RAB11FIP4: variants seen among roughly 807,000 people sequenced by gnomAD.
RAB11FIP4 encodes rab11 family-interacting protein 4.
A neutral mutation model predicts 74.3 loss-of-function variants in RAB11FIP4; 23 were observed. The observed-to-expected ratio is 0.31, with a 90% CI of 0.22 to 0.44. The LOEUF is 0.44. Among genes scored for constraint, RAB11FIP4 ranks in the 20% least tolerant of loss-of-function variants. The pLI is 1.00. For synonymous variants in RAB11FIP4, 360 were observed against 359.9 expected, an observed-to-expected ratio of 1.00 and a Z score of 0.00; for missense variants, 630 against 863.9, an observed-to-expected ratio of 0.73 and a Z score of 3.39.
chr17:31,414,161 G>A (rs1343127535), intron 1 of RAB11FIP4, among the ~76,000 whole-genome samples: 1 of 152,232 alleles, frequency 6.6e-6, no homozygotes, highest in African/African-American at 2.4e-5. Context: ...AAATGGAGGA[G>A]GTGGGATTCC....
chr17:31,488,554 G>T (rs1339769064), intron 3 of RAB11FIP4: 1 of 202,910 alleles, frequency 4.9e-6, no homozygotes, highest in Non-Finnish European at 9.6e-6. Context: ...ACCTCCGGCC[G>T]CAGCGCCCCT....
At chr17:31,407,747 G>T (rs1220407206) in intron 1 of RAB11FIP4, among the ~76,000 whole-genome samples, 1 of 152,140 alleles carries the variant, frequency 6.6e-6, no homozygotes, top group Non-Finnish European at 1.5e-5. Flanking sequence ...ATGTTCATTT[G>T]TTCTATTTTG....
In RAB11FIP4 at chr17:31,494,307, T is replaced by C. The variant is rs1460045896; in HGVS notation, c.337-23344T>C. On this transcript the variant is annotated intron_variant, in intron 3 of 14. Transcript: ENST00000621161. Reference sequence around the variant, plus strand: ...ACCTGTAAAACGAGGATGAGGCTAGTACCTCCCTCACAGGGTTCGTGGTAA... The same window carrying C: ...ACCTGTAAAACGAGGATGAGGCTAGCACCTCCCTCACAGGGTTCGTGGTAA... 2.0e-5 allele frequency among the ~76,000 whole-genome samples: 3 copies of C among 152,010 alleles called. No individual in the cohort carries two copies. In the East Asian group the frequency reaches 5.8e-4, roughly 29 times the overall value.
At chr17:31,514,856 G>A (rs1467633107) in intron 3 of RAB11FIP4, among the ~76,000 whole-genome samples, 1 of 152,252 alleles carries the variant, frequency 6.6e-6, no homozygotes, top group Non-Finnish European at 1.5e-5. Context: ...TAGGCGGCAT[G>A]CTAAGGAGTC....
intron 3 of RAB11FIP4, among the ~76,000 whole-genome samples, chr17:31,515,821 G>C (rs181968058): frequency 6.6e-6 from 1 of 152,320 alleles, no homozygotes; most frequent in East Asian, 1.9e-4. Context: ...GATTTACAGA[G>C]AGCTGCCCCT....
At chr17:31,436,757 T>C (rs1294274926) in intron 3 of RAB11FIP4, among the ~76,000 whole-genome samples, 1 of 34,988 alleles carries the variant, frequency 2.9e-5, no homozygotes, top group African/African-American at 1.2e-4. Context: ...TTTTTTGTTT[T>C]TTTTTTGTTT....
chr17:31,475,797 TG>T (rs1416572697), intron 3 of RAB11FIP4, among the ~76,000 whole-genome samples: 1,052 of 77,772 alleles, frequency 0.014, 18 homozygotes, highest in African/African-American at 0.055. Flanking sequence ...CATTTTTGTG[TG>T]GTTTTTTTTT....
chr17:31,418,158 C>T (rs182166439), intron 1 of RAB11FIP4, among the ~76,000 whole-genome samples: 56 of 152,190 alleles, frequency 3.7e-4, no homozygotes, highest in South Asian at 2.3e-3. Flanking sequence ...GAGGACAAGG[C>T]GGGCGGATCA....
At chr17:31,509,677 G>A (rs867285116) in intron 3 of RAB11FIP4, among the ~76,000 whole-genome samples, 5 of 152,182 alleles carry the variant, frequency 3.3e-5, no homozygotes, top group Admixed American at 2.0e-4. Context: ...TGATCAGAGC[G>A]GGAAGCTCTG....
chr17:31,423,472 A>G (rs927352902), intron 1 of RAB11FIP4, among the ~76,000 whole-genome samples: 17 of 152,210 alleles, frequency 1.1e-4, no homozygotes, highest in Non-Finnish European at 2.2e-4. Flanking sequence ...GCCTTAAGCA[A>G]TCCTCTTACC....
intron 10 of RAB11FIP4, 73 bp from the exon 11 acceptor site, chr17:31,527,769 C>G (rs957585410): frequency 2.7e-6 from 3 of 1,113,576 alleles, no homozygotes; most frequent in South Asian, 2.8e-5. Context: ...CAGAGAATCA[C>G]TGCAGACTGG....
At chr17:31,396,870 G>A (rs550169207) in intron 1 of RAB11FIP4, among the ~76,000 whole-genome samples, 1 of 152,326 alleles carries the variant, frequency 6.6e-6, no homozygotes, top group South Asian at 2.1e-4. Context: ...CCTCTGGACA[G>A]TGGGCCTGTC....
At chr17:31,399,165 G>A (rs915891539) in intron 1 of RAB11FIP4, among the ~76,000 whole-genome samples, 2 of 152,086 alleles carry the variant, frequency 1.3e-5, no homozygotes, top group Non-Finnish European at 2.9e-5. Flanking sequence ...CCCCAGCCCT[G>A]AGCAGTGCCA....
rs371322614 is a variant in RAB11FIP4, at chr17:31,410,157, C to T, written c.159+18146C>T. ...CCCTTGTGCATCCTAAGCCCTTTAC[C>T]GAGAGGAGTTATTAGGGTGCACTCT... On this transcript the variant is annotated intron_variant, in intron 1 of 14. Coordinates refer to ENST00000621161, the MANE Select transcript of RAB11FIP4 (RefSeq NM_032932.6). Among the ~76,000 whole-genome samples, 10 of 152,018 alleles carry T rather than the reference C, an allele frequency of 6.6e-5. No individual in the cohort carries two copies. In the South Asian group the frequency reaches 8.3e-4, roughly 13 times the overall value.
chr17:31,472,661 C>T (rs1368862077), intron 3 of RAB11FIP4, among the ~76,000 whole-genome samples: 3 of 152,158 alleles, frequency 2.0e-5, no homozygotes, highest in South Asian at 4.1e-4. Flanking sequence ...GAAGGGAAGA[C>T]AGGGATGGCC....
chr17:31,441,465 GT>G (rs1446362614), intron 3 of RAB11FIP4, among the ~76,000 whole-genome samples: 1 of 152,030 alleles, frequency 6.6e-6, no homozygotes, highest in African/African-American at 2.4e-5. Flanking sequence ...TATAGGATAG[GT>G]TTTCATTTTT....
chr17:31,427,224 G>A (rs2071261700), intron 1 of RAB11FIP4, among the ~76,000 whole-genome samples: 2 of 152,336 alleles, frequency 1.3e-5, no homozygotes, highest in Admixed American at 1.3e-4. Flanking sequence ...GCCTCCCGAA[G>A]TGCTGGGATT....
chr17:31,424,291 C>T (rs776094747), intron 1 of RAB11FIP4, among the ~76,000 whole-genome samples: 3 of 152,180 alleles, frequency 2.0e-5, no homozygotes, highest in Non-Finnish European at 4.4e-5. Context: ...GAAAGCTAGA[C>T]TGTAGTGTGC....
chr17:31,490,337 C>A (rs921172815), intron 3 of RAB11FIP4, among the ~76,000 whole-genome samples: 1 of 152,146 alleles, frequency 6.6e-6, no homozygotes, highest in Admixed American at 6.5e-5. Context: ...CTGGGCAGCC[C>A]GTTATGCTGA....
Sources: allele counts gnomAD v4.1 joint callset (sites outside exome capture counted in the v4.1 genomes callset), GRCh38; gene constraint gnomAD v4.1.1; transcripts MANE v1.5; gene names NCBI Gene and HGNC (gene_info 2026-07-23, HGNC 2026-07-21).